Variants in HIPK2 observed in about 807,000 individuals in gnomAD.
HIPK2 encodes homeodomain interacting protein kinase 2.
HIPK2 carries 27 observed loss-of-function variants against 113.7 expected under a neutral mutation model. That is an observed-to-expected ratio of 0.24 (90% CI 0.17 to 0.33). HIPK2 has a LOEUF of 0.33. Among genes scored for constraint, HIPK2 ranks in the 10% least tolerant of loss-of-function variants. The probability of loss-of-function intolerance (pLI) is 1.00; values close to 1 mark genes in which losing one functional copy is unlikely to be tolerated. For synonymous variants in HIPK2, 631 were observed against 642.2 expected (o/e 0.98, Z 0.26); for missense variants, 1,257 against 1,588.0 (o/e 0.79, Z 3.54).
chr7:139,732,819 A>G (rs201608528), intron 1 of HIPK2, among the ~76,000 whole-genome samples: 1,589 of 144,984 alleles, frequency 0.011, 27 homozygotes, highest in African/African-American at 0.033. Context: ...TTATATATAT[A>G]TGTGTGTGTG....
chr7:139,596,402 T>C (rs1192688937), intron 12 of HIPK2, among the ~76,000 whole-genome samples: 2 of 152,214 alleles, frequency 1.3e-5, no homozygotes, highest in African/African-American at 4.8e-5. Context: ...AGGCAGAGAC[T>C]TTTAAACTTA....
At chr7:139,672,549 T>A (rs940312659) in intron 2 of HIPK2, among the ~76,000 whole-genome samples, 3 of 152,170 alleles carry the variant, frequency 2.0e-5, no homozygotes, top group Non-Finnish European at 4.4e-5. Flanking sequence ...CACTGCAACC[T>A]CTGCCTCCTG....
At position 139,564,167 on chromosome 7, in the gene HIPK2, A is replaced by G; in HGVS notation, c.*8760T>C. 2.6e-6 allele frequency: 1 copy of G among 391,918 alleles called. No homozygotes were observed. Among genetic ancestry groups the G allele is most frequent in the East Asian group, 3.6e-5 (1 of 27,582 alleles). The allele number at this position is 391,918 out of a possible 1,614,324, so 24.3% of individuals were successfully genotyped here. The stretch of plus-strand genomic sequence containing the variant: ...TAAGCTGGACAATGAGTAAAACGTA[A>G]ACATAGCCTTTTACATTGATTTTGC... On this transcript the variant is annotated 3_prime_UTR_variant, in exon 15 of 15. Coordinates refer to ENST00000406875, the MANE Select transcript of HIPK2 (RefSeq NM_022740.5).
At chr7:139,645,476 G>T (rs765539411) in intron 2 of HIPK2, among the ~76,000 whole-genome samples, 1 of 152,166 alleles carries the variant, frequency 6.6e-6, no homozygotes, top group African/African-American at 2.4e-5. Flanking sequence ...AACAGGTATC[G>T]TCTGAGGAGG....
chr7:139,565,467 A>T lies in HIPK2; in HGVS notation c.*7460T>A, dbSNP rs1798062704. On this transcript the variant is annotated 3_prime_UTR_variant, in exon 15 of 15. Transcript: ENST00000406875. ...CATAATAAATGATAATAGTTATTTT[A>T]AAAAATTAAAAATCTAGTCCTAAGC... The T allele has an allele frequency of 6.6e-6, 1 of 152,152 alleles. No homozygotes were observed. The highest frequency in any genetic ancestry group is 2.1e-4 in the South Asian group (1 of 4,832). The allele number at this position is 152,152 out of a possible 1,614,324, so 9.4% of individuals were successfully genotyped here.
intron 11 of HIPK2, among the ~76,000 whole-genome samples, chr7:139,599,391 T>C (rs1320081706): frequency 1.3e-5 from 2 of 152,220 alleles, no homozygotes; most frequent in Admixed American, 6.5e-5. Flanking sequence ...TCGCAGTCAA[T>C]CTCCTCCTCT....
chr7:139,684,241 T>C, intron 2 of HIPK2, among the ~76,000 whole-genome samples: 1 of 152,230 alleles, frequency 6.6e-6, no homozygotes, highest in East Asian at 1.9e-4. Flanking sequence ...CTATGAGCTG[T>C]TCCCCCATCT....
chr7:139,766,931 T>C (rs1569486049), intron 1 of HIPK2, among the ~76,000 whole-genome samples: 1 of 152,172 alleles, frequency 6.6e-6, no homozygotes, highest in Non-Finnish European at 1.5e-5. Context: ...GCTCCTGCAC[T>C]TTGTGACCTT....
Position 139,614,350 on chromosome 7 carries a change from G to A in HIPK2, c.1926C>T (p.Ala642=), listed in dbSNP as rs370725038. The A allele has an allele frequency of 5.1e-4, 800 of 1,583,348 alleles. 9 individuals are homozygous for A. In the South Asian group the frequency reaches 8.6e-3, roughly 17 times the overall value. ...ACGGGTCAGGCCGGGCACAAATCTG[G>A]GCTGTTCCTGTCTGCAGGGGCATGC... ...QRSMPLQTGT[A]QICARPDPFQ... Residue 642 remains alanine (A), a synonymous_variant, in exon 8 of 15, where the codon GCC becomes GCT. Coordinates refer to ENST00000406875, the MANE Select transcript of HIPK2 (RefSeq NM_022740.5).
chr7:139,593,849 G>A (rs768873098), intron 12 of HIPK2, among the ~76,000 whole-genome samples: 11 of 152,204 alleles, frequency 7.2e-5, no homozygotes, highest in Non-Finnish European at 1.5e-5. Flanking sequence ...GGACACAGAA[G>A]GGCTGGGGAA....
At chr7:139,626,922 A>C in intron 5 of HIPK2, 137 bp from the exon 6 acceptor site, 1 of 904,434 alleles carries the variant, frequency 1.1e-6, no homozygotes, top group Non-Finnish European at 1.7e-6. Flanking sequence ...CTCTGCCCCT[A>C]TGGGAGGCAC....
intron 2 of HIPK2, among the ~76,000 whole-genome samples, chr7:139,680,802 G>A (rs747976679): frequency 6.6e-6 from 1 of 152,132 alleles, no homozygotes; most frequent in Non-Finnish European, 1.5e-5. Context: ...TTGGGAACAG[G>A]CTCTGAGAGA....
intron 1 of HIPK2, among the ~76,000 whole-genome samples, chr7:139,751,081 G>A (rs1343593405): frequency 1.3e-5 from 2 of 151,954 alleles, no homozygotes; most frequent in Non-Finnish European, 2.9e-5. Context: ...TGCAGTATAC[G>A]TATTTATACT....
In HIPK2 at chr7:139,743,807, C is replaced by T. The variant is rs548341348; in HGVS notation, c.20-26792G>A. 8.1e-4 allele frequency among the ~76,000 whole-genome samples: 124 copies of T among 152,240 alleles called. 1 individual carries two copies. Among genetic ancestry groups the T allele is most frequent in the African/African-American group, 2.8e-3 (115 of 41,530 alleles). Reference sequence around the variant, plus strand: ...GATTAAGTGTCTGGGCAGTTAGTTCCAGAGGTCACCTAAAAGACTACAGGG... The same window carrying T: ...GATTAAGTGTCTGGGCAGTTAGTTCTAGAGGTCACCTAAAAGACTACAGGG... On this transcript the variant is annotated intron_variant, in intron 1 of 14. Coordinates refer to ENST00000406875, the MANE Select transcript of HIPK2 (RefSeq NM_022740.5).
At chr7:139,698,559 A>C (rs1486784764) in intron 2 of HIPK2, among the ~76,000 whole-genome samples, 1 of 152,236 alleles carries the variant, frequency 6.6e-6, no homozygotes, top group African/African-American at 2.4e-5. Flanking sequence ...TGGCTGTGCC[A>C]TTTTACATTC....
At position 139,722,431 on chromosome 7, in the gene HIPK2, T is replaced by C. The variant is rs75840663; in HGVS notation, c.20-5416A>G. On this transcript the variant is annotated intron_variant, in intron 1 of 14. Coordinates refer to ENST00000406875, the MANE Select transcript of HIPK2 (RefSeq NM_022740.5). ...TCTGACCCTTCTTTTAGTTACTTTA[T>C]TGAAATTCTCATTTTGCATTTATAA... Among the ~76,000 whole-genome samples the C allele has an allele frequency of 6.9e-3, 1,057 of 152,346 alleles. 21 individuals are homozygous for C. Among genetic ancestry groups the C allele is most frequent in the African/African-American group, 0.023 (946 of 41,580 alleles).
chr7:139,747,529 G>A (rs1202138570), intron 1 of HIPK2, among the ~76,000 whole-genome samples: 3 of 152,178 alleles, frequency 2.0e-5, no homozygotes, highest in Non-Finnish European at 2.9e-5. Context: ...TAAACCAGTC[G>A]AAGATACTTT....
chr7:139,774,272 G>A (rs973285071), intron 1 of HIPK2, among the ~76,000 whole-genome samples: 3 of 152,114 alleles, frequency 2.0e-5, no homozygotes, highest in Non-Finnish European at 4.4e-5. Flanking sequence ...GGGACTTTAC[G>A]TGCACTAGTT....
chr7:139,608,948 A>G (rs1799722645), intron 9 of HIPK2, among the ~76,000 whole-genome samples: 1 of 152,224 alleles, frequency 6.6e-6, no homozygotes, highest in Admixed American at 6.5e-5. Context: ...AATAAAGTAA[A>G]TAAGTAAAAA....
Sources: gnomAD v4.1 joint callset for allele counts (sites outside exome capture counted in the v4.1 genomes callset) on GRCh38, gnomAD v4.1.1 for gene constraint, MANE v1.5 for transcripts, NCBI Gene and HGNC (gene_info 2026-07-23, HGNC 2026-07-21) for gene names.